CNGA3: variants seen among roughly 807,000 people sequenced by gnomAD.
CNGA3 encodes cyclic nucleotide gated channel subunit alpha 3, also known as cyclic nucleotide-gated channel alpha-3.
CNGA3 carries 42 observed loss-of-function variants against 46.6 expected under a neutral mutation model. That is an observed-to-expected ratio of 0.90 (90% confidence interval 0.70 to 1.17). CNGA3 has a LOEUF of 1.17. CNGA3 is among the 50% of genes most tolerant of loss of function. The pLI is 0.00. For missense variants in CNGA3, 893 were observed against 890.7 expected (o/e 1.00, Z -0.03); for synonymous variants, 394 against 369.4 (o/e 1.07, Z -0.76).
At chr2:98,365,008 A>G (rs995261106) in intron 1 of CNGA3, among the ~76,000 whole-genome samples, 2 of 150,474 alleles carry the variant, frequency 1.3e-5, no homozygotes, top group Non-Finnish European at 3.0e-5. Flanking sequence ...TTTCCTTTGT[A>G]GGTGACCTGG....
At chr2:98,395,784 T>G in intron 7 of CNGA3, 60 bp from the exon 8 acceptor site, 1 of 1,403,402 alleles carries the variant, frequency 7.1e-7, no homozygotes, top group Non-Finnish European at 1.0e-6. Context: ...TGTTTCTTTG[T>G]ACTATGGTCA....
chr2:98,347,332 C>T (rs1000701013), intron 1 of CNGA3, among the ~76,000 whole-genome samples: 16 of 152,104 alleles, frequency 1.1e-4, no homozygotes, highest in African/African-American at 3.9e-4. Context: ...CTCTGCAATC[C>T]CCTAACCGGA....
rs548261322 is a variant in CNGA3, at chr2:98,380,097, A to G, written c.216-78A>G. 43 of 1,501,348 alleles carry G rather than the reference A, an allele frequency of 2.9e-5. No homozygotes were observed. The East Asian group carries it at 9.5e-4, about 33-fold the overall frequency. The allele number at this position is 1,501,348 out of a possible 1,614,324, so 93.0% of individuals were successfully genotyped here. Reference sequence around the variant, plus strand: ...CAGACAGAGAGGGAGGGAGAAAGAGAGAGAGGGAAAGACTGGGGTTTGGGG... The same window carrying G: ...CAGACAGAGAGGGAGGGAGAAAGAGGGAGAGGGAAAGACTGGGGTTTGGGG... On this transcript the variant is annotated intron_variant, in intron 3 of 7. Transcript: ENST00000272602.
intron 2 of CNGA3, among the ~76,000 whole-genome samples, chr2:98,372,284 A>G (rs1692305025): frequency 6.6e-6 from 1 of 152,140 alleles, no homozygotes; most frequent in Non-Finnish European, 1.5e-5. Flanking sequence ...TTAGAAGATG[A>G]CCATTTGCAA....
chr2:98,382,260 A>G (rs1300646423), intron 4 of CNGA3, among the ~76,000 whole-genome samples: 1 of 152,190 alleles, frequency 6.6e-6, no homozygotes, highest in African/African-American at 2.4e-5. Context: ...ATACACAGAC[A>G]GGTCCTAGTT....
At chr2:98,378,261 T>A in intron 3 of CNGA3, 1 of 1,527,290 alleles carries the variant, frequency 6.5e-7, no homozygotes, top group Non-Finnish European at 8.8e-7. Context: ...GCAAGATTAG[T>A]GAGACTCCAA....
chr2:98,381,227 T>C (rs909181814), intron 4 of CNGA3, among the ~76,000 whole-genome samples: 4 of 152,150 alleles, frequency 2.6e-5, no homozygotes, highest in Admixed American at 2.0e-4. Flanking sequence ...GGCAAGACGT[T>C]GAGGGGAAGC....
At chr2:98,362,101 G>T (rs1332194203) in intron 1 of CNGA3, among the ~76,000 whole-genome samples, 1 of 150,870 alleles carries the variant, frequency 6.6e-6, no homozygotes, top group East Asian at 1.9e-4. Flanking sequence ...GTGACGTTAA[G>T]CTTTTTTTCA....
rs535187464 is a variant in CNGA3 at position 98,377,709 on chromosome 2, A to T, written c.124A>T (p.Thr42Ser). Residue 42 changes from threonine (T) to serine (S), a missense_variant, in exon 3 of 8, where the codon ACA becomes TCA. By Grantham distance (58) the Thr-to-Ser change is moderately conservative. Coordinates refer to ENST00000272602, the MANE Select transcript of CNGA3 (RefSeq NM_001298.3). ...TAGAGCCCACTCGTCAAGTGAGGAG[A>T]CATCGTCAGTGCTGCAGCCGGGGAT... is the stretch of plus-strand genomic sequence containing the variant. Reference protein sequence around the residue: ...LSRAHSSSEETSSVLQPGIAM... With the variant: ...LSRAHSSSEESSSVLQPGIAM... 6.2e-7 allele frequency: 1 copy of T among 1,613,362 alleles called. No individual in the cohort carries two copies. The highest frequency in any genetic ancestry group is 1.7e-5 in the Admixed American group (1 of 60,010).
chr2:98,378,179 G>A lies in CNGA3; in HGVS notation c.215+379G>A, dbSNP rs748468269. The A allele has an allele frequency of 4.5e-6, 7 of 1,550,558 alleles. 1 individual carries two copies. Among genetic ancestry groups the A allele is most frequent in the South Asian group, 2.4e-5 (2 of 84,038 alleles). ...GGATGGTGGTGATGAGTCTGAAATG[G>A]CTCTGGCAGGGTCTCCCGGGTGCTC... On this transcript the variant is annotated intron_variant, in intron 3 of 7. Coordinates refer to ENST00000272602, the MANE Select transcript of CNGA3 (RefSeq NM_001298.3).
chr2:98,348,069 C>G (rs1435389735), intron 1 of CNGA3, among the ~76,000 whole-genome samples: 1 of 152,164 alleles, frequency 6.6e-6, no homozygotes, highest in Non-Finnish European at 1.5e-5. Flanking sequence ...GTCAGAGGAC[C>G]CAGATGGGAT....
chr2:98,382,097 C>T (rs1692552231), intron 4 of CNGA3, among the ~76,000 whole-genome samples: 1 of 152,200 alleles, frequency 6.6e-6, no homozygotes, highest in African/African-American at 2.4e-5. Flanking sequence ...GCCCCGACCA[C>T]CTCACAGACA....
At chr2:98,353,225 A>T (rs1390410279) in intron 1 of CNGA3, among the ~76,000 whole-genome samples, 1 of 152,190 alleles carries the variant, frequency 6.6e-6, no homozygotes, top group Non-Finnish European at 1.5e-5. Flanking sequence ...CTGTTTAAGG[A>T]TCAATGGTAT....
chr2:98,358,042 G>T (rs143379939), intron 1 of CNGA3, among the ~76,000 whole-genome samples: 1 of 152,200 alleles, frequency 6.6e-6, no homozygotes, highest in Non-Finnish European at 1.5e-5. Context: ...GAAGTGCCTC[G>T]CACCCAGGGG....
In CNGA3 at chr2:98,377,446, C is replaced by T. The variant is rs139509017; in HGVS notation, c.102-241C>T. ...AGGCCAGCATGTACTGCCACCTTCCCGTCCTTTCACCTAGCCCTGGACAGT... is the reference window on the plus strand; with the variant it reads ...AGGCCAGCATGTACTGCCACCTTCCTGTCCTTTCACCTAGCCCTGGACAGT... On this transcript the variant is annotated intron_variant, in intron 2 of 7. Transcript: ENST00000272602. 425 of 498,170 alleles carry T rather than the reference C, an allele frequency of 8.5e-4. 1 individual carries two copies. Among genetic ancestry groups the T allele is most frequent in the African/African-American group, 5.5e-3 (283 of 51,612 alleles). 30.9% of individuals were successfully genotyped at this position (498,170 alleles called of 1,614,324 possible).
intron 2 of CNGA3, among the ~76,000 whole-genome samples, chr2:98,373,121 C>A (rs2104184166): frequency 6.6e-6 from 1 of 152,276 alleles, no homozygotes; most frequent in African/African-American, 2.4e-5. Flanking sequence ...GGATGGGGTA[C>A]AGCAGCCTCA....
intron 4 of CNGA3, among the ~76,000 whole-genome samples, chr2:98,383,108 G>A (rs138252256): frequency 2.0e-5 from 3 of 152,300 alleles, no homozygotes; most frequent in African/African-American, 7.2e-5. Context: ...GGAATTTGAG[G>A]CAGGGAAGCT....
chr2:98,395,963 A>T lies in CNGA3; in HGVS notation c.793A>T (p.Lys265Ter). 1 of 1,614,192 alleles carries T rather than the reference A, an allele frequency of 6.2e-7. No individual in the cohort carries two copies. Among genetic ancestry groups the T allele is most frequent in the Non-Finnish European group, 8.5e-7 (1 of 1,180,018 alleles). ...GGTCCCCACCGACCTGGCTTACTTA[A>T]AGGTGGGCACAAACTACCCAGAAGT... is the stretch of plus-strand genomic sequence containing the variant. ...SLVPTDLAYL[K>*]VGTNYPEVRF... is the part of the protein sequence containing the mutation. Residue 265 changes from lysine (K) to a stop codon, truncating the protein, a stop_gained, in exon 8 of 8, where the codon AAG (lysine) becomes TAG (stop). Coordinates refer to ENST00000272602, the MANE Select transcript of CNGA3 (RefSeq NM_001298.3). LOFTEE classifies it high-confidence loss of function.
chr2:98,384,760 CTT>C (rs1013262001), intron 5 of CNGA3, among the ~76,000 whole-genome samples: 11 of 152,310 alleles, frequency 7.2e-5, no homozygotes, highest in African/African-American at 2.6e-4. Flanking sequence ...TTCTAGGCAT[CTT>C]TGTCCTGGGG....
Sources: allele counts gnomAD v4.1 joint callset (sites outside exome capture counted in the v4.1 genomes callset), GRCh38; gene constraint gnomAD v4.1.1; transcripts MANE v1.5; gene names NCBI Gene and HGNC (gene_info 2026-07-23, HGNC 2026-07-21).